The following PCDHGA3 variants were observed in gnomAD, a reference collection of about 807,000 sequenced individuals.
PCDHGA3 encodes protocadherin gamma-A3.
PCDHGA3 carries 40 observed loss-of-function variants against 58.5 expected under a neutral mutation model. The observed-to-expected ratio is 0.68, with a 90% CI of 0.53 to 0.89. PCDHGA3 has a LOEUF of 0.89. Among genes scored for constraint, PCDHGA3 ranks in the 40% least tolerant of loss-of-function variants. The probability of loss-of-function intolerance (pLI) is 0.00; values close to 1 mark genes in which losing one functional copy is unlikely to be tolerated. For missense variants in PCDHGA3, 1,223 were observed against 1,195.9 expected (o/e 1.02, Z -0.33); for synonymous variants, 530 against 525.7 (o/e 1.01, Z -0.11).
Position 141,460,747 on chromosome 5 carries a change from G to A in PCDHGA3, c.2425-34060G>A, listed in dbSNP as rs148154304. On this transcript the variant is annotated intron_variant, in intron 1 of 3. Transcript: ENST00000253812. ...GCATATATACACATTGTATATATAT[G>A]TGTACATATACATATTGCATATGTA... Among the ~76,000 whole-genome samples, 351 of 151,000 alleles carry A rather than the reference G, an allele frequency of 2.3e-3. 2 individuals are homozygous for A. The highest frequency in any genetic ancestry group is 6.8e-3 in the Middle Eastern group (2 of 294).
In PCDHGA3 at chr5:141,486,853, C is replaced by T. The variant is rs1401626024; in HGVS notation, c.2425-7954C>T. The stretch of plus-strand genomic sequence containing the variant: ...GTCTATTTGTGCTGGACCTCAATGA[C>T]AATGCTCCAGCTGTGCTCCGTCCTC... On this transcript the variant is annotated intron_variant, in intron 1 of 3. Coordinates refer to ENST00000253812, the MANE Select transcript of PCDHGA3 (RefSeq NM_018916.4). This position sits in a 1 kb window ranked among gnomAD's most constrained non-coding sequence, Gnocchi z 5.0. 6.2e-7 allele frequency: 1 copy of T among 1,614,244 alleles called. No individual in the cohort carries two copies. The highest frequency in any genetic ancestry group is 2.2e-5 in the East Asian group (1 of 44,886).
chr5:141,360,976 T>C (rs1761825679), intron 1 of PCDHGA3: 2 of 1,613,684 alleles, frequency 1.2e-6, no homozygotes, highest in South Asian at 2.2e-5. Flanking sequence ...CACCTACTCC[T>C]TTCATAATGT....
At chr5:141,472,994 A>AAAG (rs2099310386) in intron 1 of PCDHGA3, among the ~76,000 whole-genome samples, 1 of 151,692 alleles carries the variant, frequency 6.6e-6, no homozygotes, top group Non-Finnish European at 1.5e-5. Flanking sequence ...AAAAAAAAAA[A>AAAG]AAAGAAAGAA....
In PCDHGA3 at chr5:141,489,180, CTGGGTCTACCT is replaced by C. The variant is rs906371381; in HGVS notation, c.2425-5623_2425-5613del. 6.3e-5 allele frequency: 79 copies of C among 1,259,748 alleles called. No individual in the cohort carries two copies. The African/African-American group carries it at 9.3e-4, about 15-fold the overall frequency. 78.0% of individuals were successfully genotyped at this position (1,259,748 alleles called of 1,614,324 possible). ...GACTTCAGCTGCTGCATTCCAAGCCCTGGGTCTACCTTGGAGACAGGACAGCACAGACTTAC... is the reference window on the plus strand; with the variant it reads ...GACTTCAGCTGCTGCATTCCAAGCCCTGGAGACAGGACAGCACAGACTTAC... On this transcript the variant is annotated intron_variant, in intron 1 of 3. Coordinates refer to ENST00000253812, the MANE Select transcript of PCDHGA3 (RefSeq NM_018916.4). This position sits in a 1 kb window ranked among gnomAD's most constrained non-coding sequence, Gnocchi z 4.5.
intron 1 of PCDHGA3, chr5:141,421,647 G>C: frequency 6.2e-7 from 1 of 1,613,872 alleles, no homozygotes; most frequent in South Asian, 1.1e-5. Context: ...ACGAAGTGGA[G>C]ATAAAAGTCA....
At chr5:141,457,953 C>G (rs12188170) in intron 1 of PCDHGA3, among the ~76,000 whole-genome samples, 6,291 of 152,286 alleles carry the variant, frequency 0.041, 196 homozygotes, top group Admixed American at 0.075. Context: ...GCATGTCAAG[C>G]TTGATTCCTT....
intron 1 of PCDHGA3, among the ~76,000 whole-genome samples, chr5:141,444,786 T>C (rs1252217349): frequency 6.6e-6 from 1 of 152,226 alleles, no homozygotes; most frequent in Non-Finnish European, 1.5e-5. Context: ...CATGTTTCAT[T>C]TGTCTATTCT....
At chr5:141,348,572 A>G (rs543197270) in intron 1 of PCDHGA3, among the ~76,000 whole-genome samples, 1 of 152,356 alleles carries the variant, frequency 6.6e-6, no homozygotes, top group South Asian at 2.1e-4. Flanking sequence ...TAGCCTACAT[A>G]TGTGTCATGA....
intron 1 of PCDHGA3, among the ~76,000 whole-genome samples, chr5:141,442,879 A>T (rs1399128822): frequency 6.6e-6 from 1 of 152,256 alleles, no homozygotes; most frequent in Non-Finnish European, 1.5e-5. Flanking sequence ...TTTACAACTC[A>T]GAATCCCTGC....
intron 1 of PCDHGA3, among the ~76,000 whole-genome samples, chr5:141,434,054 C>T (rs1241950753): frequency 6.6e-6 from 1 of 152,094 alleles, no homozygotes; most frequent in Non-Finnish European, 1.5e-5. Flanking sequence ...ATTCAATGGC[C>T]TGTAATCTGT....
chr5:141,494,428 G>A (rs1476469017), intron 1 of PCDHGA3, among the ~76,000 whole-genome samples: 1 of 152,148 alleles, frequency 6.6e-6, no homozygotes, highest in African/African-American at 2.4e-5. Flanking sequence ...TCATTGAAAA[G>A]CCTCCTTTGC....
In PCDHGA3 at chr5:141,345,852, C is replaced by T. The variant is rs778125915; in HGVS notation, c.1819C>T (p.Arg607Cys). ...GGGCCAGAACGCCTGGCTGTCCTACCGCCTGCTCAAGGCCAGCGAGCCGGG... is the reference window on the plus strand; with the variant it reads ...GGGCCAGAACGCCTGGCTGTCCTACTGCCTGCTCAAGGCCAGCGAGCCGGG... ...DSGQNAWLSY[R>C]LLKASEPGLF... The change falls in exon 1 of 4, where the codon CGC (arginine) becomes TGC (cysteine). Residue 607 changes from arginine (R) to cysteine (C), a missense_variant. Arg to Cys is a radical substitution (Grantham distance 180). Transcript: ENST00000253812. 47 of 1,613,350 alleles carry T rather than the reference C, an allele frequency of 2.9e-5. 2 individuals are homozygous for T. Among genetic ancestry groups the T allele is most frequent in the South Asian group, 6.6e-5 (6 of 91,036 alleles).
intron 1 of PCDHGA3, chr5:141,423,106 G>A (rs562864937): frequency 1.2e-6 from 2 of 1,613,894 alleles, no homozygotes; most frequent in Admixed American, 1.7e-5. Context: ...CACGGGCGAG[G>A]TGCGTACAGC....
intron 1 of PCDHGA3, among the ~76,000 whole-genome samples, chr5:141,454,703 A>C (rs933041937): frequency 1.3e-5 from 2 of 150,198 alleles, no homozygotes; most frequent in African/African-American, 4.9e-5. Flanking sequence ...ACCATGCTCC[A>C]CCTGCTTATT....
intron 1 of PCDHGA3, chr5:141,423,295 C>A: frequency 6.2e-7 from 1 of 1,614,146 alleles, no homozygotes; most frequent in Non-Finnish European, 8.5e-7. Context: ...AACCTCAGAC[C>A]TCTCGCTGTA....
chr5:141,370,266 G>A, intron 1 of PCDHGA3: 2 of 765,958 alleles, frequency 2.6e-6, no homozygotes, highest in Non-Finnish European at 4.1e-6. Flanking sequence ...GCTTCCTGCA[G>A]CGGAGACACC....
chr5:141,419,632 G>A (rs1210031265), intron 1 of PCDHGA3: 1 of 1,612,432 alleles, frequency 6.2e-7, no homozygotes, highest in Admixed American at 1.7e-5. Flanking sequence ...TGACCAAGGT[G>A]GTGGCCGTGG....
intron 1 of PCDHGA3, among the ~76,000 whole-genome samples, chr5:141,433,559 G>A (rs2154555800): frequency 6.6e-6 from 1 of 152,212 alleles, no homozygotes; most frequent in Non-Finnish European, 1.5e-5. Context: ...TTTCTGGCTG[G>A]GCGCGGTGGC....
chr5:141,385,498 T>C, intron 1 of PCDHGA3: 2 of 1,386,236 alleles, frequency 1.4e-6, no homozygotes, highest in Non-Finnish European at 1.9e-6. Context: ...TAGGATATAG[T>C]ATTTCTTTAG....
Sources: allele counts gnomAD v4.1 joint callset (sites outside exome capture counted in the v4.1 genomes callset), GRCh38; gene constraint gnomAD v4.1.1; non-coding constraint Gnocchi (gnomAD v3.1); transcripts MANE v1.5; gene names NCBI Gene and HGNC (gene_info 2026-07-23, HGNC 2026-07-21).